Variants in LRRC7 observed in about 807,000 individuals in gnomAD.
LRRC7 encodes the protein leucine-rich repeat-containing protein 7.
LRRC7 carries 23 observed loss-of-function variants against 175.7 expected under a neutral mutation model. That is an observed-to-expected ratio of 0.13 (90% CI 0.09 to 0.19). The LOEUF (loss-of-function observed/expected upper bound fraction) is 0.19. LRRC7 is among the 10% of genes least tolerant of loss of function. The pLI is 1.00. For synonymous variants in LRRC7, 685 were observed against 680.9 expected, an observed-to-expected ratio of 1.01 and a Z score of -0.09; for missense variants, 1,354 against 1,904.7, an observed-to-expected ratio of 0.71 and a Z score of 5.38.
chr1:69,735,902 C>T (rs900106529), intron 2 of LRRC7, among the ~76,000 whole-genome samples: 1 of 151,880 alleles, frequency 6.6e-6, no homozygotes, highest in African/African-American at 2.4e-5. Flanking sequence ...CCTACCACCC[C>T]ACACATTATC....
intron 8 of LRRC7, among the ~76,000 whole-genome samples, chr1:69,956,737 A>G (rs1650531522): frequency 6.6e-6 from 1 of 151,798 alleles, no homozygotes; most frequent in Non-Finnish European, 1.5e-5. Context: ...TCAGGGTAAT[A>G]AAACTAACTG....
chr1:69,649,526 A>G (rs1365492020), intron 1 of LRRC7, among the ~76,000 whole-genome samples: 3 of 152,216 alleles, frequency 2.0e-5, no homozygotes, highest in Admixed American at 6.5e-5. Context: ...AGCATTCAAA[A>G]ATATTCTGGG....
At chr1:69,896,826 A>G (rs1234789117) in intron 7 of LRRC7, among the ~76,000 whole-genome samples, 1 of 152,120 alleles carries the variant, frequency 6.6e-6, no homozygotes, top group Admixed American at 6.5e-5. Context: ...TACAGAGTAG[A>G]TATTCCATGG....
Position 70,039,404 on chromosome 1 carries a change from A to G in LRRC7, c.3580A>G (p.Ser1194Gly). The G allele has an allele frequency of 6.2e-7, 1 of 1,614,160 alleles. No individual in the cohort carries two copies. The highest frequency in any genetic ancestry group is 1.1e-5 in the South Asian group (1 of 91,086). Residue 1194 changes from serine to glycine, a missense_variant, in exon 21 of 27, where the codon AGC becomes GGC. By Grantham distance (56) the Ser-to-Gly change is moderately conservative. Coordinates refer to ENST00000651989, the MANE Select transcript of LRRC7 (RefSeq NM_001370785.2). Reference protein sequence around the residue: ...PPYRGGLDRQSSVTVTESQFL... With the variant: ...PPYRGGLDRQGSVTVTESQFL... The stretch of plus-strand genomic sequence containing the variant: ...ATATAGGGGAGGGCTGGATCGCCAA[A>G]GCAGCGTTACAGTGACTGAGTCCCA...
chr1:69,727,511 G>A (rs1024061909), intron 2 of LRRC7, among the ~76,000 whole-genome samples: 1 of 152,100 alleles, frequency 6.6e-6, no homozygotes, highest in Non-Finnish European at 1.5e-5. Flanking sequence ...CTGTTTCACT[G>A]AGTTGTCACT....
In LRRC7 at chr1:70,135,972, G is replaced by A. The variant is rs936337887; in HGVS notation, c.*14085G>A. ...CTATATTCTTTATAAAACCATGAAT[G>A]TTGCTAGCAAACAGTTCAGGCATTT... On this transcript the variant is annotated 3_prime_UTR_variant, in exon 27 of 27. Coordinates refer to ENST00000651989, the MANE Select transcript of LRRC7 (RefSeq NM_001370785.2). Among the ~76,000 whole-genome samples the A allele has an allele frequency of 7.2e-5, 11 of 152,078 alleles. No individual in the cohort carries two copies. Among genetic ancestry groups the A allele is most frequent in the Non-Finnish European group, 2.9e-5 (2 of 68,022 alleles).
intron 8 of LRRC7, among the ~76,000 whole-genome samples, chr1:69,939,799 A>C (rs1156883852): frequency 6.6e-6 from 1 of 152,172 alleles, no homozygotes; most frequent in Non-Finnish European, 1.5e-5. Flanking sequence ...AAAAGCAAAC[A>C]GATCGATCAA....
intron 3 of LRRC7, among the ~76,000 whole-genome samples, chr1:69,776,241 T>C (rs1042525380): frequency 1.3e-5 from 2 of 152,134 alleles, no homozygotes; most frequent in African/African-American, 4.8e-5. Flanking sequence ...ACGTTATATA[T>C]TATATAACAT....
At chr1:69,861,961 A>G (rs1684405335) in intron 7 of LRRC7, among the ~76,000 whole-genome samples, 1 of 152,158 alleles carries the variant, frequency 6.6e-6, no homozygotes, top group Non-Finnish European at 1.5e-5. Flanking sequence ...GGGTAAGTTT[A>G]TCAGGTCAAA....
chr1:69,714,026 C>A (rs1011875319), intron 2 of LRRC7, among the ~76,000 whole-genome samples: 17 of 152,022 alleles, frequency 1.1e-4, no homozygotes, highest in African/African-American at 4.1e-4. Context: ...ATATTTTGTA[C>A]AATTTGCAAA....
chr1:69,983,657 T>G (rs1393109201), intron 9 of LRRC7, among the ~76,000 whole-genome samples: 4 of 152,180 alleles, frequency 2.6e-5, no homozygotes, highest in Non-Finnish European at 5.9e-5. Context: ...CAGAACAACT[T>G]CAGGGCAATC....
intron 7 of LRRC7, among the ~76,000 whole-genome samples, chr1:69,930,102 T>C (rs1467780620): frequency 6.6e-6 from 1 of 152,230 alleles, no homozygotes; most frequent in Non-Finnish European, 1.5e-5. Context: ...TTAACTTTTC[T>C]CTGTAGCACT....
intron 23 of LRRC7, among the ~76,000 whole-genome samples, chr1:70,053,587 A>G (rs1660907588): frequency 6.6e-6 from 1 of 152,198 alleles, no homozygotes; most frequent in South Asian, 2.1e-4. Context: ...AGCACTTGCT[A>G]GATATTGAGG....
At chr1:69,598,433 T>C (rs1233065347) in intron 1 of LRRC7, among the ~76,000 whole-genome samples, 1 of 152,100 alleles carries the variant, frequency 6.6e-6, no homozygotes, top group East Asian at 1.9e-4. Flanking sequence ...GCTCACATGA[T>C]TGTAGAGGTT....
chr1:69,987,665 C>T (rs1239823168), intron 10 of LRRC7, among the ~76,000 whole-genome samples: 2 of 152,086 alleles, frequency 1.3e-5, no homozygotes, highest in African/African-American at 4.8e-5. Flanking sequence ...AAAATTAAGC[C>T]ATATCCTAGG....
intron 25 of LRRC7, among the ~76,000 whole-genome samples, chr1:70,106,388 A>G (rs74085929): frequency 0.012 from 1,843 of 152,254 alleles, 39 homozygotes; most frequent in African/African-American, 0.042. Context: ...GAATTGTATA[A>G]TATTTGGCCT....
chr1:70,118,017 A>G (rs1201014479), intron 26 of LRRC7, among the ~76,000 whole-genome samples: 2 of 151,902 alleles, frequency 1.3e-5, no homozygotes, highest in African/African-American at 4.8e-5. Flanking sequence ...CCCTGCAATG[A>G]ACATTGCACA....
At chr1:70,030,308 T>G (rs537449709) in intron 18 of LRRC7, among the ~76,000 whole-genome samples, 1 of 152,304 alleles carries the variant, frequency 6.6e-6, no homozygotes, top group Non-Finnish European at 1.5e-5. Flanking sequence ...TCTGTGTGAT[T>G]TGCACCACCC....
At chr1:70,093,496 G>C (rs915770405) in intron 25 of LRRC7, among the ~76,000 whole-genome samples, 1 of 152,054 alleles carries the variant, frequency 6.6e-6, no homozygotes, top group South Asian at 2.1e-4. Context: ...TTCTTAATAA[G>C]CATTATAATA....
Sources: allele counts gnomAD v4.1 joint callset (sites outside exome capture counted in the v4.1 genomes callset), GRCh38; gene constraint gnomAD v4.1.1; transcripts MANE v1.5; gene names NCBI Gene and HGNC (gene_info 2026-07-23, HGNC 2026-07-21).